The following HPSE2 variants were observed in gnomAD, a reference collection of about 807,000 sequenced individuals.
HPSE2 encodes inactive heparanase-2.
Under a neutral mutation model 60.5 loss-of-function variants are expected in HPSE2, and 38 were observed. The ratio of observed to expected loss-of-function variants is 0.63; its 90% confidence interval spans 0.48 to 0.82. The LOEUF (loss-of-function observed/expected upper bound fraction) is 0.82, where lower values mean the gene tolerates loss of function less well. HPSE2 is among the 40% of genes least tolerant of loss of function. The pLI is 0.00. For synonymous variants in HPSE2, 295 were observed against 293.2 expected (o/e 1.01, Z -0.06); for missense variants, 713 against 740.4 (o/e 0.96, Z 0.43).
At chr10:99,175,745 T>C (rs934064852) in intron 2 of HPSE2, among the ~76,000 whole-genome samples, 4 of 152,150 alleles carry the variant, frequency 2.6e-5, no homozygotes, top group Admixed American at 6.6e-5. Flanking sequence ...GAGGAGCAGA[T>C]CTCCCAGCAC....
At chr10:99,288,326 A>G in the HPSE2 span, among the ~76,000 whole-genome samples, 9 of 152,162 alleles carry the variant, frequency 5.9e-5, no homozygotes, top group Middle Eastern at 3.2e-3. Flanking sequence ...CATAAGTTCC[A>G]TGTGTGATTT....
intron 3 of HPSE2, among the ~76,000 whole-genome samples, chr10:98,989,196 C>T (rs892532106): frequency 5.9e-5 from 9 of 152,106 alleles, no homozygotes; most frequent in East Asian, 1.9e-4. Flanking sequence ...CACATGCACA[C>T]GTATGTTTAT....
chr10:98,721,536 T>A, intron 5 of HPSE2, 121 bp downstream of exon 5: 2 of 939,144 alleles, frequency 2.1e-6, no homozygotes, highest in South Asian at 1.6e-5. Context: ...ATGGAAAGAG[T>A]CCCTCCTTTT....
intron 9 of HPSE2, among the ~76,000 whole-genome samples, chr10:98,501,428 A>C (rs2133710720): frequency 6.6e-6 from 1 of 152,342 alleles, no homozygotes; most frequent in Non-Finnish European, 1.5e-5. Flanking sequence ...ACACCACATA[A>C]ACAGAATTAA....
At position 98,908,986 on chromosome 10, in the gene HPSE2, T is replaced by A. The variant is rs72836754; in HGVS notation, c.611-164930A>T. On this transcript the variant is annotated intron_variant, in intron 3 of 11. Coordinates refer to ENST00000370552, the MANE Select transcript of HPSE2 (RefSeq NM_021828.5). ...TCAGGTGATAGAATGTGGGTGGGAA[T>A]GGTATAGGGCAACTCCAGGCCCGAA... Among the ~76,000 whole-genome samples the A allele has an allele frequency of 1.4e-3, 220 of 152,268 alleles. 1 individual carries two copies. The highest frequency in any genetic ancestry group is 3.2e-3 in the Admixed American group (49 of 15,292).
the HPSE2 span, among the ~76,000 whole-genome samples, chr10:99,297,879 A>G: frequency 2.8e-4 from 43 of 152,220 alleles, no homozygotes; most frequent in African/African-American, 9.9e-4. Context: ...GACATTCCCT[A>G]TAGTATTGTG....
intron 6 of HPSE2, among the ~76,000 whole-genome samples, chr10:98,681,502 A>G (rs889302160): frequency 6.6e-6 from 1 of 152,216 alleles, no homozygotes; most frequent in African/African-American, 2.4e-5. Context: ...AATTTGATAC[A>G]TTACAACATG....
rs1028659422 is a variant in HPSE2, at chr10:98,929,625, T to C, written c.611-185569A>G. ...TATAGATAAGAGGCTTGCTCTGGAG[T>C]GACCCAGAATTGTTTAATGTCCCTA... On this transcript the variant is annotated intron_variant, in intron 3 of 11. Transcript: ENST00000370552. Among the ~76,000 whole-genome samples, 9 of 143,284 alleles carry C rather than the reference T, an allele frequency of 6.3e-5. 1 individual carries two copies. The highest frequency in any genetic ancestry group is 1.0e-4 in the Non-Finnish European group (7 of 67,032). The allele number at this position is 143,284 out of a possible 152,430, so 94.0% of individuals were successfully genotyped here. A position where few individuals can be genotyped will look rare whatever the true frequency, so the allele number is the denominator to read the frequency against.
At chr10:98,965,936 C>A (rs1038951855) in intron 3 of HPSE2, among the ~76,000 whole-genome samples, 1 of 151,912 alleles carries the variant, frequency 6.6e-6, no homozygotes, top group Non-Finnish European at 1.5e-5. Context: ...ATCACCCAGG[C>A]TGGAGTGCAG....
intron 6 of HPSE2, among the ~76,000 whole-genome samples, chr10:98,648,902 T>C (rs1946845974): frequency 6.6e-6 from 1 of 152,156 alleles, no homozygotes; most frequent in South Asian, 2.1e-4. Context: ...CTAGAAATGT[T>C]TACATAATGC....
At chr10:98,886,676 G>T (rs1953175175) in intron 3 of HPSE2, among the ~76,000 whole-genome samples, 1 of 152,126 alleles carries the variant, frequency 6.6e-6, no homozygotes, top group Non-Finnish European at 1.5e-5. Flanking sequence ...TAAAGGCTTA[G>T]TGCAAAATAC....
intron 9 of HPSE2, among the ~76,000 whole-genome samples, chr10:98,521,197 A>G (rs1942779857): frequency 1.3e-5 from 2 of 152,254 alleles, no homozygotes; most frequent in Admixed American, 6.5e-5. Flanking sequence ...ATCAGAGTGA[A>G]CAGGCAACCT....
the HPSE2 span, among the ~76,000 whole-genome samples, chr10:99,272,113 A>G: frequency 6.6e-6 from 1 of 152,146 alleles, no homozygotes; most frequent in Non-Finnish European, 1.5e-5. Context: ...TCTACTAAAA[A>G]CACAAAAATT....
At chr10:98,627,062 C>T (rs1033905919) in intron 7 of HPSE2, among the ~76,000 whole-genome samples, 3 of 152,134 alleles carry the variant, frequency 2.0e-5, no homozygotes, top group East Asian at 1.9e-4. Context: ...CATGAGCCAC[C>T]GCACCCGGCC....
rs551487974 is a variant in HPSE2 at position 98,515,769 on chromosome 10, ATT to A, written c.1321-25575_1321-25574del. 2.5e-3 allele frequency among the ~76,000 whole-genome samples: 379 copies of A among 152,276 alleles called. 1 individual carries two copies. Among genetic ancestry groups the A allele is most frequent in the African/African-American group, 8.6e-3 (356 of 41,560 alleles). ...ACATATTTCTGTTGATAACTTCCTT[ATT>A]CTTAAAATGGGAGATCTGATTATTT... On this transcript the variant is annotated intron_variant, in intron 9 of 11. Coordinates refer to ENST00000370552, the MANE Select transcript of HPSE2 (RefSeq NM_021828.5).
intron 6 of HPSE2, among the ~76,000 whole-genome samples, chr10:98,682,843 C>G (rs904561144): frequency 6.6e-6 from 1 of 152,170 alleles, no homozygotes; most frequent in Admixed American, 6.5e-5. Flanking sequence ...TGGGAAACCA[C>G]TTCCCTATGT....
At chr10:98,948,581 G>A (rs1371265926) in intron 3 of HPSE2, among the ~76,000 whole-genome samples, 2 of 152,056 alleles carry the variant, frequency 1.3e-5, no homozygotes, top group African/African-American at 2.4e-5. Context: ...TAAAGCAAAT[G>A]GTAGAAGAAG....
In HPSE2 at chr10:98,560,501, C is replaced by G. The variant is rs548654421; in HGVS notation, c.1320+54403G>C. Reference sequence around the variant, plus strand: ...GGATCTCCTGATGAACCCTAAGCAGCCTGAGACCAAAGCCCAGTCCTGGCC... The same window carrying G: ...GGATCTCCTGATGAACCCTAAGCAGGCTGAGACCAAAGCCCAGTCCTGGCC... On this transcript the variant is annotated intron_variant, in intron 9 of 11. Transcript: ENST00000370552. 2.0e-5 allele frequency among the ~76,000 whole-genome samples: 3 copies of G among 152,364 alleles called. No homozygotes were observed. In the South Asian group the frequency reaches 6.2e-4, roughly 32 times the overall value.
At chr10:99,073,209 A>G (rs972835427) in intron 3 of HPSE2, among the ~76,000 whole-genome samples, 3 of 152,224 alleles carry the variant, frequency 2.0e-5, no homozygotes, top group Non-Finnish European at 2.9e-5. Flanking sequence ...ACAATAGTAA[A>G]GACATGGAAC....
Sources: allele counts gnomAD v4.1 joint callset (sites outside exome capture counted in the v4.1 genomes callset), GRCh38; gene constraint gnomAD v4.1.1; transcripts MANE v1.5; gene names NCBI Gene and HGNC (gene_info 2026-07-23, HGNC 2026-07-21).